Variants in MARK1 observed in about 807,000 individuals in gnomAD.
MARK1 encodes serine/threonine-protein kinase MARK1.
MARK1 carries 40 observed loss-of-function variants against 96.3 expected under a neutral mutation model. The observed-to-expected ratio is 0.42, with a 90% CI of 0.32 to 0.54. MARK1 has a LOEUF of 0.54. MARK1 is among the 20% of genes least tolerant of loss of function. The pLI is 0.16. For missense variants in MARK1, 719 were observed against 984.6 expected, an observed-to-expected ratio of 0.73 and a Z score of 3.61; for synonymous variants, 317 against 341.2, an observed-to-expected ratio of 0.93 and a Z score of 0.78.
intron 1 of MARK1, among the ~76,000 whole-genome samples, chr1:220,562,820 A>G (rs1488634914): frequency 6.6e-6 from 1 of 152,204 alleles, no homozygotes; most frequent in Non-Finnish European, 1.5e-5. Flanking sequence ...CCTTCACACC[A>G]GTTCATTCAT....
At chr1:220,621,381 G>A (rs1176206917) in intron 9 of MARK1, among the ~76,000 whole-genome samples, 1 of 151,980 alleles carries the variant, frequency 6.6e-6, no homozygotes, top group Non-Finnish European at 1.5e-5. Context: ...GTAAGTGATC[G>A]GATAGCTCTT....
intron 3 of MARK1, among the ~76,000 whole-genome samples, chr1:220,593,694 C>T (rs993974224): frequency 1.3e-5 from 2 of 151,986 alleles, no homozygotes; most frequent in African/African-American, 2.4e-5. Flanking sequence ...GAGTCTGGGG[C>T]GGGTTAGGTA....
intron 9 of MARK1, among the ~76,000 whole-genome samples, chr1:220,628,942 T>C (rs142839780): frequency 0.014 from 2,182 of 151,344 alleles, 28 homozygotes; most frequent in Middle Eastern, 0.044. Context: ...AATCATGTGA[T>C]GATGACTGCT....
chr1:220,577,221 C>T (rs565012558), intron 1 of MARK1, among the ~76,000 whole-genome samples: 7 of 152,008 alleles, frequency 4.6e-5, no homozygotes, highest in African/African-American at 4.8e-5. Context: ...GAGCAGTGAT[C>T]GTGCCACTGC....
chr1:220,550,874 G>A lies in MARK1; in HGVS notation c.51+22001G>A, dbSNP rs142901515. ...AGTTCAGTCAGGGAAGCAGAATTCT[G>A]TTAAGTGATACAGAATAAAGCTTTT... On this transcript the variant is annotated intron_variant, in intron 1 of 17. Transcript: ENST00000366917. Among the ~76,000 whole-genome samples, 4 of 152,304 alleles carry A rather than the reference G, an allele frequency of 2.6e-5. No homozygotes were observed. In the East Asian group the frequency reaches 7.7e-4, roughly 29 times the overall value.
At chr1:220,653,613 AT>A (rs1255585658) in intron 16 of MARK1, among the ~76,000 whole-genome samples, 1 of 152,186 alleles carries the variant, frequency 6.6e-6, no homozygotes, top group Non-Finnish European at 1.5e-5. Context: ...AACTTCAAAA[AT>A]GTGTGTTTTA....
Position 220,654,211 on chromosome 1 carries a change from A to G in MARK1, c.1988+859A>G, listed in dbSNP as rs78175180. Among the ~76,000 whole-genome samples, 2,215 of 152,326 alleles carry G rather than the reference A, an allele frequency of 0.015. 30 individuals carry two copies. Among genetic ancestry groups the G allele is most frequent in the Middle Eastern group, 0.044 (13 of 294 alleles). On this transcript the variant is annotated intron_variant, in intron 16 of 17. Transcript: ENST00000366917. The surrounding 1 kb of genome is among the most constrained non-coding windows in gnomAD (Gnocchi z 4.0). Reference sequence around the variant, plus strand: ...ATGCTGGATTCCAGAGGAAGACACAATTGTTTCTATCTAGGGAGACAGTGA... The same window carrying G: ...ATGCTGGATTCCAGAGGAAGACACAGTTGTTTCTATCTAGGGAGACAGTGA...
At position 220,596,143 on chromosome 1, in the gene MARK1, A is replaced by T. The variant is rs530819168; in HGVS notation, c.310-2188A>T. 2.0e-5 allele frequency among the ~76,000 whole-genome samples: 3 copies of T among 152,224 alleles called. No homozygotes were observed. In the East Asian group the frequency reaches 5.8e-4, roughly 29 times the overall value. ...CAACAAATCGATGATATTTGAAGCC[A>T]TGATAAATCATTAGGAGAAACATGT... On this transcript the variant is annotated intron_variant, in intron 3 of 17. Coordinates refer to ENST00000366917, the MANE Select transcript of MARK1 (RefSeq NM_018650.5).
At chr1:220,589,231 C>T (rs1388653146) in intron 3 of MARK1, among the ~76,000 whole-genome samples, 1 of 152,166 alleles carries the variant, frequency 6.6e-6, no homozygotes, top group Non-Finnish European at 1.5e-5. Context: ...GTGCATTTGG[C>T]CCCTGACTAT....
At chr1:220,573,480 C>G (rs9431262) in intron 1 of MARK1, among the ~76,000 whole-genome samples, 1 of 151,896 alleles carries the variant, frequency 6.6e-6, no homozygotes, top group Non-Finnish European at 1.5e-5. Flanking sequence ...CCCGCCACCA[C>G]GCCTGGCTAA....
chr1:220,628,110 G>A (rs1667452889), intron 9 of MARK1: 1 of 152,108 alleles, frequency 6.6e-6, no homozygotes, highest in South Asian at 2.1e-4. Flanking sequence ...GATGTCTTTT[G>A]TTGAAGACTT....
intron 9 of MARK1, among the ~76,000 whole-genome samples, chr1:220,628,776 A>G (rs1056233565): frequency 1.2e-4 from 19 of 152,242 alleles, no homozygotes; most frequent in Admixed American, 8.5e-4. Flanking sequence ...TGAATTCTCT[A>G]GAAAGTTTAA....
In MARK1 at chr1:220,653,094, C is replaced by T; in HGVS notation, c.1737-7C>T. On this transcript the variant is annotated splice_polypyrimidine_tract_variant and splice_region_variant and intron_variant, in intron 15 of 17. Transcript: ENST00000366917. Reference sequence around the variant, plus strand: ...TCTGAATGATATATCTTAATTTGTCCCAGCAGTACAACCCAGAGAGTGCCT... The same window carrying T: ...TCTGAATGATATATCTTAATTTGTCTCAGCAGTACAACCCAGAGAGTGCCT... 1 of 1,612,868 alleles carries T rather than the reference C, an allele frequency of 6.2e-7. No individual in the cohort carries two copies. Among genetic ancestry groups the T allele is most frequent in the Non-Finnish European group, 8.5e-7 (1 of 1,179,102 alleles).
chr1:220,623,464 A>T (rs564277527), intron 9 of MARK1, among the ~76,000 whole-genome samples: 14 of 152,168 alleles, frequency 9.2e-5, no homozygotes, highest in African/African-American at 3.1e-4. Flanking sequence ...TCTTCTTTCC[A>T]ACCTTTATCT....
At chr1:220,651,862 AAATGTTT>A in intron 14 of MARK1, 117 bp from the exon 15 acceptor site, 1 of 616,196 alleles carries the variant, frequency 1.6e-6, no homozygotes, top group Non-Finnish European at 2.7e-6. Flanking sequence ...AGTTTCTTTC[AAATGTTT>A]CAGTCATGAA....
At chr1:220,592,034 A>AT (rs1665019965) in intron 3 of MARK1, among the ~76,000 whole-genome samples, 1 of 151,958 alleles carries the variant, frequency 6.6e-6, no homozygotes, top group African/African-American at 2.4e-5. Context: ...AACAACAAAC[A>AT]TGTACTTCAT....
intron 13 of MARK1, among the ~76,000 whole-genome samples, chr1:220,640,716 C>T (rs971870148): frequency 1.4e-4 from 22 of 152,150 alleles, no homozygotes; most frequent in African/African-American, 5.3e-4. Flanking sequence ...ATTGCTGCAT[C>T]ATCCCGTGGC....
At chr1:220,624,632 G>GT (rs1667223628) in intron 9 of MARK1, among the ~76,000 whole-genome samples, 1 of 151,022 alleles carries the variant, frequency 6.6e-6, no homozygotes. Flanking sequence ...GATTTCATAA[G>GT]TAAATCTCAT....
At chr1:220,614,052 G>T (rs1336179830) in intron 6 of MARK1, among the ~76,000 whole-genome samples, 1 of 152,124 alleles carries the variant, frequency 6.6e-6, no homozygotes, top group Non-Finnish European at 1.5e-5. Flanking sequence ...CTGTTATCCA[G>T]GTTGGTGTGC....
Sources: gnomAD v4.1 joint callset for allele counts (sites outside exome capture counted in the v4.1 genomes callset) on GRCh38, gnomAD v4.1.1 for gene constraint, Gnocchi (gnomAD v3.1) non-coding constraint, MANE v1.5 for transcripts, NCBI Gene and HGNC (gene_info 2026-07-23, HGNC 2026-07-21) for gene names.